MLLT3: variants seen among roughly 807,000 people sequenced by gnomAD.
MLLT3 encodes the protein MLLT3 super elongation complex subunit, also known as protein AF-9.
MLLT3 carries 4 observed loss-of-function variants against 53.2 expected under a neutral mutation model. The observed-to-expected ratio is 0.08, with a 90% CI of 0.04 to 0.17. MLLT3 has a LOEUF of 0.17. Among genes scored for constraint, MLLT3 ranks in the 10% least tolerant of loss-of-function variants. The probability of loss-of-function intolerance (pLI) is 1.00; values close to 1 mark genes in which losing one functional copy is unlikely to be tolerated. For synonymous variants in MLLT3, 283 were observed against 230.6 expected, an observed-to-expected ratio of 1.23 and a Z score of -2.06; for missense variants, 569 against 684.0, an observed-to-expected ratio of 0.83 and a Z score of 1.87.
chr9:20,523,671 C>T (rs1818124417), intron 2 of MLLT3, among the ~76,000 whole-genome samples: 1 of 152,008 alleles, frequency 6.6e-6, no homozygotes, highest in Admixed American at 6.6e-5. Context: ...ATTATAGAGA[C>T]AGTAAAAAGA....
At chr9:20,382,053 C>G (rs1821921618) in intron 5 of MLLT3, among the ~76,000 whole-genome samples, 1 of 151,748 alleles carries the variant, frequency 6.6e-6, no homozygotes, top group African/African-American at 2.4e-5. Flanking sequence ...AGAAGGGTAT[C>G]TTTTTTCCTA....
chr9:20,531,877 ATT>A (rs962937759), intron 2 of MLLT3, among the ~76,000 whole-genome samples: 1 of 152,176 alleles, frequency 6.6e-6, no homozygotes, highest in Non-Finnish European at 1.5e-5. Flanking sequence ...AGGAATAAAT[ATT>A]TGTTATTTAA....
rs192733935 is a variant in MLLT3 at position 20,359,050 on chromosome 9, C to T, written c.1431+1692G>A. On this transcript the variant is annotated intron_variant, in intron 8 of 10. Transcript: ENST00000380338. ...GTCCCAGCTACTCGCGGGGCTGAGG[C>T]AGGAGAATCGCTTGAACCCAGGAGG... Among the ~76,000 whole-genome samples, 340 of 144,572 alleles carry T rather than the reference C, an allele frequency of 2.4e-3. 3 individuals carry two copies. Among genetic ancestry groups the T allele is most frequent in the Admixed American group, 0.023 (307 of 13,438 alleles). 94.8% of individuals were successfully genotyped at this position (144,572 alleles called of 152,430 possible).
chr9:20,566,202 G>A (rs1819374299), intron 2 of MLLT3, among the ~76,000 whole-genome samples: 1 of 150,606 alleles, frequency 6.6e-6, no homozygotes, highest in African/African-American at 2.4e-5. Flanking sequence ...ACTTTGGGAG[G>A]CTGAGGCAGG....
At chr9:20,555,985 C>T (rs1487444764) in intron 2 of MLLT3, among the ~76,000 whole-genome samples, 2 of 152,134 alleles carry the variant, frequency 1.3e-5, no homozygotes, top group East Asian at 1.9e-4. Context: ...AATTGACTGG[C>T]ACTGCTATAA....
At chr9:20,369,328 T>G (rs941008308) in intron 5 of MLLT3, among the ~76,000 whole-genome samples, 2 of 152,324 alleles carry the variant, frequency 1.3e-5, no homozygotes, top group African/African-American at 4.8e-5. Flanking sequence ...AGGCCACTGA[T>G]TCTATATTAG....
intron 2 of MLLT3, among the ~76,000 whole-genome samples, chr9:20,586,863 T>G (rs1563831489): frequency 6.6e-6 from 1 of 152,048 alleles, no homozygotes; most frequent in Non-Finnish European, 1.5e-5. Context: ...AAAGAACTAT[T>G]CCTAGTATAA....
intron 8 of MLLT3, among the ~76,000 whole-genome samples, chr9:20,358,512 C>T (rs1302347544): frequency 6.6e-6 from 1 of 152,178 alleles, no homozygotes; most frequent in Non-Finnish European, 1.5e-5. Context: ...ATAGACGATA[C>T]TATTCGTTTT....
At position 20,400,229 on chromosome 9, in the gene MLLT3, A is replaced by G. The variant is rs944122094; in HGVS notation, c.1125+13492T>C. ...ACACCATGAAGATACTGTCAACAAA[A>G]TCCAAAACCAGAAATTCTATGACAA... On this transcript the variant is annotated intron_variant, in intron 5 of 10. Coordinates refer to ENST00000380338, the MANE Select transcript of MLLT3 (RefSeq NM_004529.4). Among the ~76,000 whole-genome samples the G allele has an allele frequency of 4.6e-5, 7 of 152,156 alleles. No individual in the cohort carries two copies. The East Asian group carries it at 1.3e-3, about 29-fold the overall frequency.
chr9:20,463,069 A>G (rs781098596), intron 2 of MLLT3, among the ~76,000 whole-genome samples: 1 of 152,182 alleles, frequency 6.6e-6, no homozygotes, highest in Non-Finnish European at 1.5e-5. Context: ...TCAAAAGTCC[A>G]TGAGGGGAAA....
intron 7 of MLLT3, chr9:20,362,617 A>G (rs957029558): frequency 2.0e-5 from 3 of 151,516 alleles, no homozygotes; most frequent in Non-Finnish European, 4.4e-5. Context: ...GAGATATCTA[A>G]TGGGGCACAC....
At chr9:20,516,866 T>C (rs1367650461) in intron 2 of MLLT3, among the ~76,000 whole-genome samples, 1 of 152,340 alleles carries the variant, frequency 6.6e-6, no homozygotes. Flanking sequence ...TAATTTAAAA[T>C]GTATTATAAT....
At chr9:20,565,976 A>ATATTTATT (rs1819359704) in intron 2 of MLLT3, among the ~76,000 whole-genome samples, 1 of 118,736 alleles carries the variant, frequency 8.4e-6, no homozygotes, top group African/African-American at 3.3e-5. Flanking sequence ...ATTTATATAT[A>ATATTTATT]TATATATTTA....
intron 4 of MLLT3, among the ~76,000 whole-genome samples, chr9:20,429,734 T>C (rs1230251515): frequency 6.6e-6 from 1 of 152,136 alleles, no homozygotes; most frequent in Non-Finnish European, 1.5e-5. Flanking sequence ...AATTCATCCA[T>C]GGTTTTTCAA....
intron 2 of MLLT3, among the ~76,000 whole-genome samples, chr9:20,564,810 T>A (rs1177710700): frequency 6.6e-6 from 1 of 152,186 alleles, no homozygotes; most frequent in Non-Finnish European, 1.5e-5. Context: ...CAAGCATCAC[T>A]GACCAAGGTC....
Position 20,483,698 on chromosome 9 carries a change from C to CT in MLLT3, c.194-26913dup, listed in dbSNP as rs10538657. Among the ~76,000 whole-genome samples the CT allele has an allele frequency of 5.1e-3, 350 of 68,912 alleles. 3 individuals are homozygous for CT. Among genetic ancestry groups the CT allele is most frequent in the East Asian group, 9.3e-3 (21 of 2,270 alleles). The allele number at this position is 68,912 out of a possible 152,430, so 45.2% of individuals were successfully genotyped here. On this transcript the variant is annotated intron_variant, in intron 2 of 10. Coordinates refer to ENST00000380338, the MANE Select transcript of MLLT3 (RefSeq NM_004529.4). ...ACGAGATAACACAGTCAGTAAAACT[C>CT]TTTTTTTTTTTTTTTTTTTTTTTTT... is the stretch of plus-strand genomic sequence containing the variant.
At chr9:20,595,135 CTATT>C (rs916491754) in intron 2 of MLLT3, among the ~76,000 whole-genome samples, 9 of 152,106 alleles carry the variant, frequency 5.9e-5, no homozygotes, top group Admixed American at 3.3e-4. Context: ...TTCGGGAGGA[CTATT>C]TGAGCCAAGG....
intron 2 of MLLT3, among the ~76,000 whole-genome samples, chr9:20,612,700 A>T (rs949338303): frequency 3.3e-5 from 5 of 151,764 alleles, no homozygotes; most frequent in African/African-American, 7.3e-5. Flanking sequence ...TATATATATA[A>T]AATGCTTAAT....
chr9:20,504,049 T>TA (rs1421504360), intron 2 of MLLT3, among the ~76,000 whole-genome samples: 1 of 152,030 alleles, frequency 6.6e-6, no homozygotes, highest in African/African-American at 2.4e-5. Flanking sequence ...AAGATGAAGA[T>TA]AGATTTTTGC....
Sources: gnomAD v4.1 joint callset for allele counts (sites outside exome capture counted in the v4.1 genomes callset) on GRCh38, gnomAD v4.1.1 for gene constraint, MANE v1.5 for transcripts, NCBI Gene and HGNC (gene_info 2026-07-23, HGNC 2026-07-21) for gene names.